Variants in MAEL observed in about 807,000 individuals in gnomAD.
MAEL encodes protein maelstrom homolog.
A neutral mutation model predicts 62.0 loss-of-function variants in MAEL; 46 were observed. The ratio of observed to expected loss-of-function variants is 0.74; its 90% CI spans 0.59 to 0.95. The LOEUF is 0.95. Ranked by LOEUF, MAEL falls within the 40% of genes least tolerant of loss-of-function variation. The pLI is 0.00. For missense variants in MAEL, 497 were observed against 526.8 expected (o/e 0.94, Z 0.55); for synonymous variants, 172 against 175.5 (o/e 0.98, Z 0.16).
At chr1:166,992,147 A>G (rs1279246301) in intron 3 of MAEL, among the ~76,000 whole-genome samples, 3 of 152,178 alleles carry the variant, frequency 2.0e-5, no homozygotes, top group Non-Finnish European at 4.4e-5. Context: ...TTTGTTGAAC[A>G]CTGGTAAACT....
Position 167,002,935 on chromosome 1 carries a change from C to G in MAEL, c.524-1245C>G, listed in dbSNP as rs577991631. Among the ~76,000 whole-genome samples, 345 of 152,196 alleles carry G rather than the reference C, an allele frequency of 2.3e-3. 4 individuals carry two copies. The highest frequency in any genetic ancestry group is 8.0e-3 in the African/African-American group (330 of 41,484). On this transcript the variant is annotated intron_variant, in intron 5 of 11. Coordinates refer to ENST00000367872, the MANE Select transcript of MAEL (RefSeq NM_032858.3). ...CCTGGGAAGAAACAAACCCAACTGCCAGATTCAGCTCTCTAAGATTTCTTC... is the reference window on the plus strand; with the variant it reads ...CCTGGGAAGAAACAAACCCAACTGCGAGATTCAGCTCTCTAAGATTTCTTC...
At chr1:167,001,277 G>A (rs551746761) in intron 5 of MAEL, among the ~76,000 whole-genome samples, 2 of 152,250 alleles carry the variant, frequency 1.3e-5, no homozygotes, top group African/African-American at 4.8e-5. Flanking sequence ...GTGGGAAGGA[G>A]GTGAGGGATA....
chr1:166,988,918 T>G (rs959087964), upstream of MAEL, among the ~76,000 whole-genome samples: 1 of 152,196 alleles, frequency 6.6e-6, no homozygotes, highest in Admixed American at 6.5e-5. Context: ...ATGTTCCTCA[T>G]ACATGTTCCT....
intron 1 of MAEL, among the ~76,000 whole-genome samples, chr1:166,979,710 C>T (rs1261943992): frequency 6.6e-6 from 1 of 152,206 alleles, no homozygotes; most frequent in Non-Finnish European, 1.5e-5. Flanking sequence ...AACCTGCAGT[C>T]TCAGGCTTCA....
intron 6 of MAEL, 143 bp downstream of exon 6, chr1:167,004,447 TTAGGTA>T (rs1365164583): frequency 1.4e-6 from 1 of 713,142 alleles, no homozygotes; most frequent in Non-Finnish European, 2.2e-6. Flanking sequence ...TTGAATGTAA[TTAGGTA>T]TAGTGCCTAT....
intron 8 of MAEL, among the ~76,000 whole-genome samples, chr1:167,007,290 G>A (rs1297686810): frequency 6.6e-6 from 1 of 151,980 alleles, no homozygotes; most frequent in Admixed American, 6.6e-5. Context: ...GTACCTTCAA[G>A]CAGGGGTTTG....
At chr1:166,986,000 G>A (rs1469683423), upstream of MAEL, among the ~76,000 whole-genome samples, 4 of 152,210 alleles carry the variant, frequency 2.6e-5, no homozygotes, top group African/African-American at 4.8e-5. Context: ...TTTTTAAAAC[G>A]ACCCAATCAA....
chr1:167,007,694 A>C (rs762017614), intron 8 of MAEL, among the ~76,000 whole-genome samples: 1 of 151,386 alleles, frequency 6.6e-6, no homozygotes, highest in Non-Finnish European at 1.5e-5. Flanking sequence ...TTAACCTGTA[A>C]TTTCAATCCA....
At chr1:167,001,594 C>G (rs540566348) in intron 5 of MAEL, among the ~76,000 whole-genome samples, 1 of 152,226 alleles carries the variant, frequency 6.6e-6, no homozygotes, top group African/African-American at 2.4e-5. Flanking sequence ...CATTTATATG[C>G]ACTGGGAAAC....
intron 1 of MAEL, among the ~76,000 whole-genome samples, chr1:166,979,431 A>C (rs1251929146): frequency 1.3e-5 from 2 of 152,184 alleles, no homozygotes; most frequent in African/African-American, 4.8e-5. Context: ...AACTAAAAAA[A>C]CTGGAGACTC....
At chr1:166,988,565 G>C (rs1664005674), upstream of MAEL, among the ~76,000 whole-genome samples, 1 of 151,928 alleles carries the variant, frequency 6.6e-6, no homozygotes, top group African/African-American at 2.4e-5. Context: ...ATGTAAACTA[G>C]TATAAGAGAT....
chr1:166,998,851 G>T (rs536149984), intron 5 of MAEL, among the ~76,000 whole-genome samples: 1 of 151,954 alleles, frequency 6.6e-6, no homozygotes, highest in South Asian at 2.1e-4. Context: ...GGTAATTCTC[G>T]CAATATTTCA....
intron 8 of MAEL, among the ~76,000 whole-genome samples, chr1:167,013,582 G>A (rs1206432491): frequency 6.6e-6 from 1 of 152,166 alleles, no homozygotes; most frequent in Non-Finnish European, 1.5e-5. Flanking sequence ...TCCTGTTAGG[G>A]CTATTAGTTT....
upstream of MAEL, among the ~76,000 whole-genome samples, chr1:166,986,945 CGTGTGTGTGTGT>C (rs58393275): frequency 9.9e-4 from 145 of 147,120 alleles, 1 homozygote; most frequent in Middle Eastern, 3.5e-3. Flanking sequence ...AGGAAGGGGA[CGTGTGTGTGTGT>C]GTGTGTGTGT....
rs777327169 is a variant in MAEL at position 166,991,353 on chromosome 1, G to A, written c.226-25G>A. The stretch of plus-strand genomic sequence containing the variant: ...AAAAGTGCCCAGCAAGAGTTTATGT[G>A]GCCAATCATTCTCTTCCTCTTTAGA... On this transcript the variant is annotated intron_variant, in intron 2 of 11. Coordinates refer to ENST00000367872, the MANE Select transcript of MAEL (RefSeq NM_032858.3). 46 of 1,464,536 alleles carry A rather than the reference G, an allele frequency of 3.1e-5. No individual in the cohort carries two copies. In the South Asian group the frequency reaches 4.1e-4, roughly 13 times the overall value. 90.7% of individuals were successfully genotyped at this position (1,464,536 alleles called of 1,614,324 possible).
chr1:166,989,797 C>G lies in MAEL; in HGVS notation c.193C>G (p.Gln65Glu). Residue 65 changes from glutamine to glutamate, a missense_variant, in exon 2 of 12, where the codon CAG becomes GAG. Coordinates refer to ENST00000367872, the MANE Select transcript of MAEL (RefSeq NM_032858.3). ...AEMAREWRAAQGKDPGPSEKQ... is the reference protein window; with the variant it reads ...AEMAREWRAAEGKDPGPSEKQ... The stretch of plus-strand genomic sequence containing the variant: ...AATGGCTCGAGAATGGAGGGCCGCT[C>G]AGGGAAAGGACCCTGGGCCCTCAGA... The G allele has an allele frequency of 6.2e-7, 1 of 1,613,864 alleles. No individual in the cohort carries two copies. The highest frequency in any genetic ancestry group is 8.5e-7 in the Non-Finnish European group (1 of 1,179,960).
chr1:166,985,349 G>A (rs1218859120), upstream of MAEL, among the ~76,000 whole-genome samples: 1 of 152,184 alleles, frequency 6.6e-6, no homozygotes, highest in Non-Finnish European at 1.5e-5. Context: ...TGGAGATATG[G>A]TAAGGATCTC....
At chr1:167,009,284 CT>C (rs1665063496) in intron 8 of MAEL, among the ~76,000 whole-genome samples, 1 of 152,102 alleles carries the variant, frequency 6.6e-6, no homozygotes, top group Admixed American at 6.6e-5. Context: ...TCCCTGTGTT[CT>C]TGCATGTTTA....
intron 9 of MAEL, among the ~76,000 whole-genome samples, chr1:167,017,184 A>G (rs1005141490): frequency 6.6e-6 from 1 of 152,170 alleles, no homozygotes; most frequent in African/African-American, 2.4e-5. Flanking sequence ...ATGGATGGAT[A>G]TACCACCTTC....
Sources: allele counts gnomAD v4.1 joint callset (sites outside exome capture counted in the v4.1 genomes callset), GRCh38; gene constraint gnomAD v4.1.1; transcripts MANE v1.5; gene names NCBI Gene and HGNC (gene_info 2026-07-23, HGNC 2026-07-21).